FBXO4: variants seen among roughly 807,000 people sequenced by gnomAD.
FBXO4 encodes F-box only protein 4.
A neutral mutation model predicts 43.7 loss-of-function variants in FBXO4; 36 were observed. The ratio of observed to expected loss-of-function variants is 0.82; its 90% CI spans 0.63 to 1.09. FBXO4 has a LOEUF of 1.09. Among genes scored for constraint, FBXO4 ranks in the 50% least tolerant of loss-of-function variants. FBXO4 has a pLI of 0.00. For synonymous variants in FBXO4, 180 were observed against 165.6 expected, an observed-to-expected ratio of 1.09 and a Z score of -0.67; for missense variants, 435 against 474.1, an observed-to-expected ratio of 0.92 and a Z score of 0.77.
chr5:41,977,622 C>T, the FBXO4 span, among the ~76,000 whole-genome samples: 1 of 152,116 alleles, frequency 6.6e-6, no homozygotes, highest in Non-Finnish European at 1.5e-5. Flanking sequence ...CATCTGAGAC[C>T]TCCTTAGCCT....
At chr5:42,027,296 T>A in the FBXO4 span, among the ~76,000 whole-genome samples, 2 of 149,742 alleles carry the variant, frequency 1.3e-5, no homozygotes, top group African/African-American at 5.0e-5. Context: ...ATCTAAGAAT[T>A]TGTCCATTTC....
At chr5:41,987,253 T>G in the FBXO4 span, among the ~76,000 whole-genome samples, 1 of 152,152 alleles carries the variant, frequency 6.6e-6, no homozygotes, top group Non-Finnish European at 1.5e-5. Context: ...AAATATTAAT[T>G]TCATTGTAAT....
chr5:42,020,258 C>T, the FBXO4 span, among the ~76,000 whole-genome samples: 9 of 152,088 alleles, frequency 5.9e-5, no homozygotes, highest in African/African-American at 2.2e-4. Flanking sequence ...AAACTTTCAT[C>T]CTTCCTATTA....
the FBXO4 span, among the ~76,000 whole-genome samples, chr5:42,008,292 T>C: frequency 6.6e-6 from 1 of 152,206 alleles, no homozygotes. Flanking sequence ...CAAGGCTGCA[T>C]GACTCTGACC....
chr5:41,984,352 C>T, the FBXO4 span, among the ~76,000 whole-genome samples: 3 of 152,144 alleles, frequency 2.0e-5, no homozygotes, highest in Non-Finnish European at 4.4e-5. Context: ...AAATAATTCA[C>T]CTCCACTTCT....
At chr5:41,953,656 C>T in the FBXO4 span, among the ~76,000 whole-genome samples, 1 of 151,444 alleles carries the variant, frequency 6.6e-6, no homozygotes, top group African/African-American at 2.4e-5. Context: ...TCTCCAGCAC[C>T]TGTTGTTTCC....
the FBXO4 span, chr5:41,967,950 T>C: frequency 2.0e-6 from 1 of 508,246 alleles, no homozygotes; most frequent in Non-Finnish European, 4.1e-6. Context: ...GGCAGAGACT[T>C]GCAGGAGTTT....
chr5:41,996,016 C>T, the FBXO4 span, among the ~76,000 whole-genome samples: 13 of 152,286 alleles, frequency 8.5e-5, no homozygotes, highest in African/African-American at 2.9e-4. Context: ...CATGCAGAAC[C>T]GTCTGTGAAC....
chr5:42,030,876 A>G, the FBXO4 span, among the ~76,000 whole-genome samples: 1 of 152,236 alleles, frequency 6.6e-6, no homozygotes, highest in Non-Finnish European at 1.5e-5. Flanking sequence ...GTCACTGGCC[A>G]TCAGAGAAAT....
chr5:41,929,760 T>A lies in FBXO4; in HGVS notation c.489T>A (p.Ala163=). 6.2e-7 allele frequency: 1 copy of A among 1,614,174 alleles called. No individual in the cohort carries two copies. Among genetic ancestry groups the A allele is most frequent in the Admixed American group, 1.7e-5 (1 of 60,016 alleles). The change falls in exon 3 of 7, where the codon GCT becomes GCA. Residue 163 remains alanine, a synonymous_variant. Coordinates refer to ENST00000281623, the MANE Select transcript of FBXO4 (RefSeq NM_012176.3). ...AATCCAGCCGTCCTATGTATGGAGC[T>A]GTCACTTCTTTTTTACACTCCCTGA... ...ASKSSRPMYG[A]VTSFLHSLII...
intron 3 of FBXO4, among the ~76,000 whole-genome samples, chr5:41,931,386 G>A (rs1477681655): frequency 6.6e-6 from 1 of 152,208 alleles, no homozygotes; most frequent in Non-Finnish European, 1.5e-5. Context: ...ATTCACTAGG[G>A]TAATAAATCA....
downstream of FBXO4, among the ~76,000 whole-genome samples, chr5:41,945,094 C>T (rs1000479414): frequency 6.6e-6 from 1 of 152,072 alleles, no homozygotes; most frequent in Non-Finnish European, 1.5e-5. Flanking sequence ...TTAACATGCA[C>T]AAAGCTACAG....
the FBXO4 span, among the ~76,000 whole-genome samples, chr5:41,956,635 C>T: frequency 6.7e-6 from 1 of 148,606 alleles, no homozygotes; most frequent in Non-Finnish European, 1.5e-5. Flanking sequence ...TTTCATTGTT[C>T]TGTTTCTTAC....
At chr5:41,947,373 GT>G in the FBXO4 span, among the ~76,000 whole-genome samples, 8 of 152,230 alleles carry the variant, frequency 5.3e-5, no homozygotes, top group Non-Finnish European at 1.0e-4. Flanking sequence ...AAATATACCA[GT>G]ATCCAAAGGA....
At chr5:41,973,195 A>G in the FBXO4 span, among the ~76,000 whole-genome samples, 2 of 152,312 alleles carry the variant, frequency 1.3e-5, no homozygotes, top group Admixed American at 1.3e-4. Flanking sequence ...CTAATATCTC[A>G]TATTTATTAG....
chr5:41,943,439 GAAC>G (rs1236640923), downstream of FBXO4, among the ~76,000 whole-genome samples: 1 of 152,004 alleles, frequency 6.6e-6, no homozygotes, highest in African/African-American at 2.4e-5. Flanking sequence ...TACAAAATGA[GAAC>G]AATAATACCT....
chr5:41,933,522 C>A (rs1013323269), intron 3 of FBXO4, among the ~76,000 whole-genome samples: 7 of 152,090 alleles, frequency 4.6e-5, no homozygotes, highest in Non-Finnish European at 1.5e-5. Flanking sequence ...CTGCCCCCCC[C>A]ATCAATTTAA....
At chr5:41,967,075 T>G in the FBXO4 span, 1 of 258,304 alleles carries the variant, frequency 3.9e-6, no homozygotes. Flanking sequence ...CACGTTTCTC[T>G]CGGCTTGCTT....
the FBXO4 span, among the ~76,000 whole-genome samples, chr5:41,954,305 A>G: frequency 2.0e-5 from 3 of 152,202 alleles, no homozygotes; most frequent in Non-Finnish European, 4.4e-5. Flanking sequence ...TAAAGAGTAA[A>G]AACTTTATGA....
Sources: gnomAD v4.1 joint callset for allele counts (sites outside exome capture counted in the v4.1 genomes callset) on GRCh38, gnomAD v4.1.1 for gene constraint, MANE v1.5 for transcripts, NCBI Gene and HGNC (gene_info 2026-07-23, HGNC 2026-07-21) for gene names.